FOXP1: variants seen among roughly 807,000 people sequenced by gnomAD.
FOXP1 encodes the protein forkhead box protein P1.
In FOXP1, 15 loss-of-function variants were observed where a neutral mutation model predicts 98.2. That is an observed-to-expected ratio of 0.15 (90% CI 0.10 to 0.24). The LOEUF (loss-of-function observed/expected upper bound fraction) is 0.24, where lower values mean the gene tolerates loss of function less well. Among genes scored for constraint, FOXP1 ranks in the 10% least tolerant of loss-of-function variants. FOXP1 has a pLI of 1.00. For missense variants in FOXP1, 633 were observed against 848.5 expected, an observed-to-expected ratio of 0.75 and a Z score of 3.15; for synonymous variants, 371 against 314.5, an observed-to-expected ratio of 1.18 and a Z score of -1.90.
intron 2 of FOXP1, among the ~76,000 whole-genome samples, chr3:71,500,797 C>T (rs1386640173): frequency 1.3e-5 from 2 of 152,224 alleles, no homozygotes; most frequent in Non-Finnish European, 2.9e-5. Context: ...GTACCATCAC[C>T]TTCCTCCACC....
At chr3:71,094,451 A>G (rs1372226893) in intron 7 of FOXP1, among the ~76,000 whole-genome samples, 1 of 151,464 alleles carries the variant, frequency 6.6e-6, no homozygotes, top group Non-Finnish European at 1.5e-5. Flanking sequence ...GGCTAATATA[A>G]TTTTCATGTT....
chr3:71,071,718 C>T (rs953147556), intron 7 of FOXP1, among the ~76,000 whole-genome samples: 4 of 152,248 alleles, frequency 2.6e-5, no homozygotes, highest in African/African-American at 9.6e-5. Flanking sequence ...GGATTACAGG[C>T]ACCTGCCACC....
chr3:71,150,075 T>C (rs2060495905), intron 6 of FOXP1, among the ~76,000 whole-genome samples: 1 of 152,242 alleles, frequency 6.6e-6, no homozygotes, highest in African/African-American at 2.4e-5. Flanking sequence ...GAAATGATTT[T>C]GCTAAAGCCA....
At chr3:71,299,539 G>A (rs2073662181) in intron 5 of FOXP1, among the ~76,000 whole-genome samples, 1 of 152,170 alleles carries the variant, frequency 6.6e-6, no homozygotes, top group Non-Finnish European at 1.5e-5. Flanking sequence ...AACCTACCAA[G>A]TCAACAAGAA....
At chr3:71,503,600 C>CG (rs1560576179) in intron 2 of FOXP1, among the ~76,000 whole-genome samples, 1 of 32,408 alleles carries the variant, frequency 3.1e-5, no homozygotes, top group African/African-American at 8.6e-5. Flanking sequence ...GACTCTGTCT[C>CG]GAAAAAAAAA....
chr3:71,005,622 C>T (rs6766269), intron 12 of FOXP1, among the ~76,000 whole-genome samples: 2,905 of 152,076 alleles, frequency 0.019, 108 homozygotes, highest in African/African-American at 0.067. Flanking sequence ...TCTCCAAAGA[C>T]CCACCCTTGA....
Position 71,205,013 on chromosome 3 carries a change from T to C in FOXP1, c.-11-6621A>G, listed in dbSNP as rs144200462. 7.7e-3 allele frequency among the ~76,000 whole-genome samples: 1,174 copies of C among 152,256 alleles called. 15 individuals are homozygous for C. Among genetic ancestry groups the C allele is most frequent in the African/African-American group, 0.027 (1,128 of 41,552 alleles). On this transcript the variant is annotated intron_variant, in intron 5 of 20. Transcript: ENST00000649528. ...TTCCAATACCACATTTTCATAATTA[T>C]AACAGAAAGGCGTAAATTTTCTAAA...
intron 6 of FOXP1, among the ~76,000 whole-genome samples, chr3:71,182,950 A>ATTG: frequency 6.6e-6 from 1 of 152,090 alleles, no homozygotes; most frequent in Non-Finnish European, 1.5e-5. Flanking sequence ...TTACATTATG[A>ATTG]TAATTTTTAA....
chr3:71,448,447 C>A (rs2086652181), intron 3 of FOXP1, among the ~76,000 whole-genome samples: 1 of 152,136 alleles, frequency 6.6e-6, no homozygotes, highest in Non-Finnish European at 1.5e-5. Flanking sequence ...TATCCCTGGA[C>A]AATTAATGGA....
intron 3 of FOXP1, among the ~76,000 whole-genome samples, chr3:71,476,257 T>G (rs1334365908): frequency 2.6e-5 from 4 of 152,170 alleles, no homozygotes; most frequent in South Asian, 2.1e-4. Context: ...TAGAAAGAAA[T>G]CTATCTCATA....
chr3:71,041,420 G>C lies in FOXP1; in HGVS notation c.777C>G (p.Val259=), dbSNP rs1466160930. 1 of 1,613,894 alleles carries C rather than the reference G, an allele frequency of 6.2e-7. No homozygotes were observed. The highest frequency in any genetic ancestry group is 1.7e-5 in the Admixed American group (1 of 59,986). The change falls in exon 11 of 21, where the codon GTC becomes GTG. Residue 259 remains valine, a synonymous_variant. Coordinates refer to ENST00000649528, the MANE Select transcript of FOXP1 (RefSeq NM_001349338.3). ...AGGTCTTGGAAGGTGCAGAGGAGGA[G>C]ACACATGTCGTGGTCAGATCCAAAC... is the stretch of plus-strand genomic sequence containing the variant. ...HSSLDLTTTC[V]SSSAPSKTSL...
intron 5 of FOXP1, chr3:71,276,070 C>G (rs907511908): frequency 6.6e-6 from 1 of 152,062 alleles, no homozygotes; most frequent in Non-Finnish European, 1.5e-5. Flanking sequence ...CCCAAAAAGC[C>G]AATGATTAAA....
At chr3:71,481,397 C>A (rs1029485801) in intron 3 of FOXP1, among the ~76,000 whole-genome samples, 1 of 152,186 alleles carries the variant, frequency 6.6e-6, no homozygotes, top group Non-Finnish European at 1.5e-5. Flanking sequence ...TGCTTATTAC[C>A]ACATGTAGAT....
intron 3 of FOXP1, among the ~76,000 whole-genome samples, chr3:71,361,292 G>T (rs1464113310): frequency 1.3e-5 from 2 of 151,892 alleles, no homozygotes; most frequent in Non-Finnish European, 2.9e-5. Flanking sequence ...GTTTTCAGTG[G>T]ATTTACACTG....
At chr3:71,475,905 A>G (rs75553964) in intron 3 of FOXP1, among the ~76,000 whole-genome samples, 7 of 44,942 alleles carry the variant, frequency 1.6e-4, no homozygotes, top group Non-Finnish European at 3.6e-4. Context: ...CTTCAAGGGA[A>G]AAAAAAAAAA....
intron 4 of FOXP1, among the ~76,000 whole-genome samples, chr3:71,339,119 T>C (rs764683137): frequency 6.6e-6 from 1 of 152,232 alleles, no homozygotes; most frequent in Non-Finnish European, 1.5e-5. Flanking sequence ...CATTTTATTC[T>C]ATCGAGAAAG....
Position 71,494,434 on chromosome 3 carries a change from C to T in FOXP1, c.-297-879G>A, listed in dbSNP as rs77015283. ...CATGATTCACTCTCATGCTGACCTG[C>T]CATCAACACTGAAGATGTGCTGTGA... On this transcript the variant is annotated intron_variant, in intron 2 of 20. Coordinates refer to ENST00000649528, the MANE Select transcript of FOXP1 (RefSeq NM_001349338.3). 3.4e-3 allele frequency among the ~76,000 whole-genome samples: 511 copies of T among 152,284 alleles called. 3 individuals carry two copies. Among genetic ancestry groups the T allele is most frequent in the African/African-American group, 0.012 (479 of 41,556 alleles).
chr3:71,054,419 C>A (rs1464134791), intron 7 of FOXP1, among the ~76,000 whole-genome samples: 1 of 152,220 alleles, frequency 6.6e-6, no homozygotes, highest in Non-Finnish European at 1.5e-5. Context: ...CAGTGATGAA[C>A]TTGATAGCAT....
At chr3:71,446,376 A>G (rs1008954406) in intron 3 of FOXP1, among the ~76,000 whole-genome samples, 1 of 152,106 alleles carries the variant, frequency 6.6e-6, no homozygotes, top group African/African-American at 2.4e-5. Context: ...GAGAAAAAGC[A>G]TGTTCAAGAA....
Sources: allele counts gnomAD v4.1 joint callset (sites outside exome capture counted in the v4.1 genomes callset), GRCh38; gene constraint gnomAD v4.1.1; transcripts MANE v1.5; gene names NCBI Gene and HGNC (gene_info 2026-07-23, HGNC 2026-07-21).